The following LMTK3 variants were observed in gnomAD, a reference collection of about 807,000 sequenced individuals.
LMTK3 encodes the protein serine/threonine-protein kinase LMTK3.
A neutral mutation model predicts 116.7 loss-of-function variants in LMTK3; 27 were observed. That is an observed-to-expected ratio of 0.23 (90% CI 0.17 to 0.32). The LOEUF is 0.32. LMTK3 is among the 10% of genes least tolerant of loss of function. LMTK3 has a pLI of 1.00. For synonymous variants in LMTK3, 965 were observed against 971.0 expected (o/e 0.99, Z 0.11); for missense variants, 1,764 against 2,068.5 (o/e 0.85, Z 2.86).
chr19:48,500,856 G>C lies in LMTK3; in HGVS notation c.1151+140C>G. On this transcript the variant is annotated intron_variant, in intron 10 of 14. Transcript: ENST00000600059. The surrounding 1 kb of genome is among the most constrained non-coding windows in gnomAD (Gnocchi z 4.0). ...TGCAAGTAGCAGATGCTGGCAGAAA[G>C]GGTGGGGACAGCCCCTCTTCACTCT... The C allele has an allele frequency of 1.2e-6, 1 of 814,696 alleles. No individual in the cohort carries two copies. The highest frequency in any genetic ancestry group is 2.0e-5 in the South Asian group (1 of 50,166). The allele number at this position is 814,696 out of a possible 1,614,324, so 50.5% of individuals were successfully genotyped here. A position where few individuals can be genotyped will look rare whatever the true frequency, so the allele number is the denominator to read the frequency against.
At chr19:48,489,596 A>G (rs1972186332) in intron 14 of LMTK3, among the ~76,000 whole-genome samples, 1 of 152,150 alleles carries the variant, frequency 6.6e-6, no homozygotes, top group Non-Finnish European at 1.5e-5. Flanking sequence ...ACTAAATAAT[A>G]ATAATAGCTA....
In LMTK3 at chr19:48,498,652, G is replaced by C. The variant is rs930109289; in HGVS notation, c.2417C>G (p.Ala806Gly). Residue 806 changes from alanine to glycine, a missense_variant, in exon 11 of 15, where the codon GCC becomes GGC. Coordinates refer to ENST00000600059, the MANE Select transcript of LMTK3 (RefSeq NM_001388485.1). ...ETETPFSPEG[A>G]FPGGGAAEEE... Reference sequence around the variant, plus strand: ...CTCGGCCGCCCCCCCACCTGGGAAGGCTCCCTCTGGGGAAAAAGGGGTCTC... The same window carrying C: ...CTCGGCCGCCCCCCCACCTGGGAAGCCTCCCTCTGGGGAAAAAGGGGTCTC... The C allele has an allele frequency of 3.9e-5, 60 of 1,541,448 alleles. No individual in the cohort carries two copies. Among genetic ancestry groups the C allele is most frequent in the Non-Finnish European group, 5.1e-5 (58 of 1,144,860 alleles).
chr19:48,513,268 C>A (rs1972691091), upstream of LMTK3: 3 of 1,034,480 alleles, frequency 2.9e-6, no homozygotes, highest in Non-Finnish European at 4.4e-6. This position sits in a 1 kb window ranked among gnomAD's most constrained non-coding sequence, Gnocchi z 5.6. Flanking sequence ...TCGTCCGCAG[C>A]GTTTTACACG....
In LMTK3 at chr19:48,497,364, G is replaced by C. The variant is rs1296760842; in HGVS notation, c.3676+29C>G. On this transcript the variant is annotated intron_variant, in intron 11 of 14. Transcript: ENST00000600059. The surrounding 1 kb of genome is among the most constrained non-coding windows in gnomAD (Gnocchi z 5.7). ...ACGCCTCGGAAACAGCCGGACCTCA[G>C]CCCTGACTGTGCCCCGCAGCCTCCT... 1 of 1,448,256 alleles carries C rather than the reference G, an allele frequency of 6.9e-7. No individual in the cohort carries two copies. The highest frequency in any genetic ancestry group is 9.1e-7 in the Non-Finnish European group (1 of 1,098,292). The allele number at this position is 1,448,256 out of a possible 1,614,324, so 89.7% of individuals were successfully genotyped here.
Position 48,508,894 on chromosome 19 carries a change from G to T in LMTK3, c.514C>A (p.Pro172Thr), listed in dbSNP as rs1387080802. The T allele has an allele frequency of 3.1e-6, 5 of 1,613,596 alleles. No homozygotes were observed. In the East Asian group the frequency reaches 1.1e-4, roughly 36 times the overall value. The change falls in exon 5 of 15, where the codon CCC (proline) becomes ACC (threonine). Residue 172 changes from proline to threonine, a missense_variant. By Grantham distance (38) the Pro-to-Thr change is conservative. Transcript: ENST00000600059. ...VVKELRASAG[P>T]LEQRKFISEA... ...GAGATGAACTTGCGTTGCTCCAGGG[G>T]CCCCGCGCTGGCTCGGAGCTCCTTC...
chr19:48,502,568 C>T lies in LMTK3; in HGVS notation c.659G>A (p.Arg220His). 1 of 1,562,106 alleles carries T rather than the reference C, an allele frequency of 6.4e-7. No individual in the cohort carries two copies. The highest frequency in any genetic ancestry group is 1.2e-5 in the South Asian group (1 of 84,134). The stretch of plus-strand genomic sequence containing the variant: ...GGGGGGCCGCTGGGCTCGGAGGTAA[C>T]GCTTCAGGTCCCCCTGGGAGGGAGG... Reference protein sequence around the residue: ...MEFCQLGDLKRYLRAQRPPEG... With the variant: ...MEFCQLGDLKHYLRAQRPPEG... The change falls in exon 7 of 15, where the codon CGT (arginine) becomes CAT (histidine). Residue 220 changes from arginine to histidine, a missense_variant. By Grantham distance (29) the Arg-to-His change is conservative. This residue lies in a region of LMTK3 where 271 missense variants were observed against 478.2 expected (regional missense o/e 0.57). Transcript: ENST00000600059.
intron 5 of LMTK3, among the ~76,000 whole-genome samples, chr19:48,508,516 T>C (rs1972606413): frequency 6.6e-6 from 1 of 152,036 alleles, no homozygotes; most frequent in Non-Finnish European, 1.5e-5. Context: ...TACCCAACAT[T>C]GGACATGGGA....
Position 48,491,087 on chromosome 19 carries a change from G to T in LMTK3, c.4366+21C>A. 7.4e-7 allele frequency: 1 copy of T among 1,346,184 alleles called. No homozygotes were observed. The allele number at this position is 1,346,184 out of a possible 1,614,324, so 83.4% of individuals were successfully genotyped here. On this transcript the variant is annotated intron_variant, in intron 14 of 14. Coordinates refer to ENST00000600059, the MANE Select transcript of LMTK3 (RefSeq NM_001388485.1). The surrounding 1 kb of genome is among the most constrained non-coding windows in gnomAD (Gnocchi z 5.1). ...GGGACAGAGATGGGCAGAGGAGGGG[G>T]CAGGGCCGAGGATATGGTACCTGCG...
intron 5 of LMTK3, among the ~76,000 whole-genome samples, chr19:48,504,879 C>G (rs746140368): frequency 6.6e-6 from 1 of 152,078 alleles, no homozygotes; most frequent in African/African-American, 2.4e-5. Context: ...ATTTCCAGGG[C>G]TGCTCACTCT....
chr19:48,499,469 C>T lies in LMTK3; in HGVS notation c.1600G>A (p.Val534Met), dbSNP rs989065999. The T allele has an allele frequency of 1.9e-5, 27 of 1,457,828 alleles. No individual in the cohort carries two copies. Among genetic ancestry groups the T allele is most frequent in the Admixed American group, 1.1e-4 (4 of 36,390 alleles). The allele number at this position is 1,457,828 out of a possible 1,614,324, so 90.3% of individuals were successfully genotyped here. ...AAGCGGATGTAGTACTCGCTGCTCA[C>T]GGAGGGGCTGCGGGCGCTGATGACA... is the stretch of plus-strand genomic sequence containing the variant. Reference protein sequence around the residue: ...LPVISARSPSVSSEYYIRLEE... With the variant: ...LPVISARSPSMSSEYYIRLEE... Residue 534 changes from valine to methionine, a missense_variant, in exon 11 of 15, where the codon GTG becomes ATG. Physicochemically the swap from Val to Met is conservative, Grantham distance 21. Coordinates refer to ENST00000600059, the MANE Select transcript of LMTK3 (RefSeq NM_001388485.1).
At chr19:48,507,069 G>A (rs564598637) in intron 5 of LMTK3, among the ~76,000 whole-genome samples, 1 of 152,220 alleles carries the variant, frequency 6.6e-6, no homozygotes, top group African/African-American at 2.4e-5. Context: ...TAGGATTACA[G>A]GCAGGAGCCC....
Position 48,491,373 on chromosome 19 carries a change from C to A in LMTK3, c.4228+31G>T. On this transcript the variant is annotated intron_variant, in intron 13 of 14. Coordinates refer to ENST00000600059, the MANE Select transcript of LMTK3 (RefSeq NM_001388485.1). This position sits in a 1 kb window ranked among gnomAD's most constrained non-coding sequence, Gnocchi z 5.1. ...CGCCCCGTCCGCCCCATGGCTCCCG[C>A]CCCCTCCCGCCCCATAGGGCCCGTC... 1.5e-6 allele frequency: 2 copies of A among 1,358,438 alleles called. No homozygotes were observed. The highest frequency in any genetic ancestry group is 1.9e-6 in the Non-Finnish European group (2 of 1,052,834). The allele number at this position is 1,358,438 out of a possible 1,614,324, so 84.1% of individuals were successfully genotyped here.
rs1972290906 is a variant in LMTK3, at chr19:48,494,496, A to AT, written c.3677-388dup. Among the ~76,000 whole-genome samples the AT allele has an allele frequency of 6.6e-6, 1 of 152,004 alleles. No homozygotes were observed. ...GCGCACGTGCCACCATGCCCGGCTAATTTTTTGTATTTTTAGTAGAGACGG... is the reference window on the plus strand; with the variant it reads ...GCGCACGTGCCACCATGCCCGGCTAATTTTTTTGTATTTTTAGTAGAGACGG... On this transcript the variant is annotated intron_variant, in intron 11 of 14. Transcript: ENST00000600059. This position sits in a 1 kb window ranked among gnomAD's most constrained non-coding sequence, Gnocchi z 4.0.
In LMTK3 at chr19:48,510,449, T is replaced by G. The variant is rs750576300; in HGVS notation, c.210+10A>C. 3.8e-6 allele frequency: 6 copies of G among 1,592,052 alleles called. No individual in the cohort carries two copies. In the Admixed American group the frequency reaches 1.1e-4, roughly 28 times the overall value. On this transcript the variant is annotated intron_variant, in intron 2 of 14. Coordinates refer to ENST00000600059, the MANE Select transcript of LMTK3 (RefSeq NM_001388485.1). ...TTCCTCCCCAAGTTGAATCCCCTCATGCACCTCACCTTGAAGCCGACATCG... is the reference window on the plus strand; with the variant it reads ...TTCCTCCCCAAGTTGAATCCCCTCAGGCACCTCACCTTGAAGCCGACATCG...
intron 4 of LMTK3, 139 bp from the exon 5 acceptor site, chr19:48,509,108 C>A: frequency 1.6e-6 from 1 of 630,706 alleles, no homozygotes; most frequent in Admixed American, 2.8e-5. Context: ...CCCTTGACCC[C>A]CACCAGACAT....
intron 12 of LMTK3, among the ~76,000 whole-genome samples, chr19:48,492,596 T>C (rs1370377399): frequency 1.3e-5 from 2 of 151,966 alleles, no homozygotes; most frequent in Non-Finnish European, 2.9e-5. Flanking sequence ...CTGCTCCATC[T>C]CTGAAGCCCA....
chr19:48,508,986 C>T lies in LMTK3; in HGVS notation c.439-17G>A. Reference sequence around the variant, plus strand: ...CAGGATCACCTGGTCAAGGGGCACCCAGGAGTCAGCGAGTGCCGTTTCCCC... The same window carrying T: ...CAGGATCACCTGGTCAAGGGGCACCTAGGAGTCAGCGAGTGCCGTTTCCCC... On this transcript the variant is annotated splice_polypyrimidine_tract_variant and intron_variant, in intron 4 of 14. Coordinates refer to ENST00000600059, the MANE Select transcript of LMTK3 (RefSeq NM_001388485.1). 1 of 1,557,414 alleles carries T rather than the reference C, an allele frequency of 6.4e-7. No individual in the cohort carries two copies. The highest frequency in any genetic ancestry group is 8.8e-7 in the Non-Finnish European group (1 of 1,141,034).
In LMTK3 at chr19:48,499,244, C is replaced by T. The variant is rs780623879; in HGVS notation, c.1825G>A (p.Gly609Ser). ...SSASGSFLLS[G>S]WDPEGRGAGE... ...GCGCCCCGGCCCTCGGGGTCCCAGC[C>T]GCTCAGCAGGAAGCTGCCTGACGCT... The change falls in exon 11 of 15, where the codon GGC (glycine) becomes AGC (serine). Residue 609 changes from glycine (G) to serine (S), a missense_variant. Gly to Ser is a moderately conservative substitution (Grantham distance 56, BLOSUM62 0). Transcript: ENST00000600059. The T allele has an allele frequency of 4.7e-4, 645 of 1,385,194 alleles. No homozygotes were observed. Among genetic ancestry groups the T allele is most frequent in the Non-Finnish European group, 5.4e-4 (579 of 1,065,542 alleles). The allele number at this position is 1,385,194 out of a possible 1,614,324, so 85.8% of individuals were successfully genotyped here. A position where few individuals can be genotyped will look rare whatever the true frequency, so the allele number is the denominator to read the frequency against.
Position 48,491,050 on chromosome 19 carries a change from G to A in LMTK3, c.4366+58C>T. On this transcript the variant is annotated intron_variant, in intron 14 of 14. Transcript: ENST00000600059. The surrounding 1 kb of genome is among the most constrained non-coding windows in gnomAD (Gnocchi z 5.1). ...GAAAGATGGTCACAAGAAGTTGGCAGTGGAACATAGGGGGACAGAGATGGG... is the reference window on the plus strand; with the variant it reads ...GAAAGATGGTCACAAGAAGTTGGCAATGGAACATAGGGGGACAGAGATGGG... 8.5e-7 allele frequency: 1 copy of A among 1,180,834 alleles called. No homozygotes were observed. Among genetic ancestry groups the A allele is most frequent in the Non-Finnish European group, 1.1e-6 (1 of 922,442 alleles). The allele number at this position is 1,180,834 out of a possible 1,614,324, so 73.1% of individuals were successfully genotyped here. A position where few individuals can be genotyped will look rare whatever the true frequency, so the allele number is the denominator to read the frequency against.
Sources: allele counts gnomAD v4.1 joint callset (sites outside exome capture counted in the v4.1 genomes callset), GRCh38; gene constraint gnomAD v4.1.1; regional missense constraint gnomAD v4.1.1; non-coding constraint Gnocchi (gnomAD v3.1); transcripts MANE v1.5; gene names NCBI Gene and HGNC (gene_info 2026-07-23, HGNC 2026-07-21).